The following CNTN5 variants were observed in gnomAD, a reference collection of about 807,000 sequenced individuals.
The protein encoded by CNTN5 is contactin 5.
A neutral mutation model predicts 129.1 loss-of-function variants in CNTN5; 77 were observed. The ratio of observed to expected loss-of-function variants is 0.60; its 90% CI spans 0.50 to 0.72. CNTN5 has a LOEUF of 0.72. Among genes scored for constraint, CNTN5 ranks in the 30% least tolerant of loss-of-function variants. CNTN5 has a pLI of 0.00. For synonymous variants in CNTN5, 509 were observed against 465.6 expected (o/e 1.09, Z -1.20); for missense variants, 1,478 against 1,328.8 (o/e 1.11, Z -1.75).
intron 2 of CNTN5, among the ~76,000 whole-genome samples, chr11:99,381,917 G>A (rs1940582510): frequency 6.6e-6 from 1 of 152,120 alleles, no homozygotes; most frequent in African/African-American, 2.4e-5. Flanking sequence ...TAGCTTGAAA[G>A]TGATCCACCC....
chr11:99,761,396 C>T (rs1485202379), intron 3 of CNTN5, among the ~76,000 whole-genome samples: 2 of 152,152 alleles, frequency 1.3e-5, no homozygotes, highest in South Asian at 4.1e-4. Context: ...AGGTATATCT[C>T]CCAATGCTAT....
intron 3 of CNTN5, among the ~76,000 whole-genome samples, chr11:99,634,463 G>C (rs190290024): frequency 6.6e-6 from 1 of 152,314 alleles, no homozygotes; most frequent in East Asian, 1.9e-4. Context: ...AAGACTGACT[G>C]CAGTGGGCAC....
intron 8 of CNTN5, among the ~76,000 whole-genome samples, chr11:99,999,052 C>T (rs1354384578): frequency 1.3e-5 from 2 of 151,860 alleles, no homozygotes; most frequent in Admixed American, 6.6e-5. Flanking sequence ...CCATAAAAAC[C>T]CTAGAAGAAA....
intron 2 of CNTN5, among the ~76,000 whole-genome samples, chr11:99,335,658 T>C (rs1866188718): frequency 6.6e-6 from 1 of 152,218 alleles, no homozygotes; most frequent in East Asian, 1.9e-4. Context: ...ATACAAAACA[T>C]ACCTCAGAAT....
intron 3 of CNTN5, among the ~76,000 whole-genome samples, chr11:99,738,032 T>C (rs1943767379): frequency 6.6e-6 from 1 of 152,206 alleles, no homozygotes; most frequent in African/African-American, 2.4e-5. Context: ...AAAACGTCTA[T>C]GCAGTATCGT....
At chr11:99,571,015 C>T (rs1028110700) in intron 3 of CNTN5, among the ~76,000 whole-genome samples, 1 of 152,104 alleles carries the variant, frequency 6.6e-6, no homozygotes, top group Non-Finnish European at 1.5e-5. Flanking sequence ...AGAATCAATA[C>T]AGACAAAGAG....
chr11:100,197,777 C>CT (rs1268911407), intron 15 of CNTN5, among the ~76,000 whole-genome samples: 1 of 151,926 alleles, frequency 6.6e-6, no homozygotes, highest in African/African-American at 2.4e-5. Context: ...CAATTTGCTG[C>CT]TTTTTTAACA....
intron 13 of CNTN5, among the ~76,000 whole-genome samples, chr11:100,163,478 A>G (rs1466376804): frequency 6.6e-6 from 1 of 151,874 alleles, no homozygotes; most frequent in Non-Finnish European, 1.5e-5. Flanking sequence ...TATTTCTTGA[A>G]GGAATAATTC....
At chr11:99,195,238 A>G (rs1176114551) in intron 1 of CNTN5, among the ~76,000 whole-genome samples, 2 of 152,172 alleles carry the variant, frequency 1.3e-5, no homozygotes, top group African/African-American at 4.8e-5. Context: ...AATGGTGACT[A>G]GTACATTTAC....
intron 1 of CNTN5, among the ~76,000 whole-genome samples, chr11:99,247,378 C>T (rs73534956): frequency 0.017 from 2,599 of 152,118 alleles, 86 homozygotes; most frequent in African/African-American, 0.06. Context: ...ACCATATACA[C>T]AGACTTTATC....
chr11:100,097,591 A>C (rs545104526), intron 13 of CNTN5, among the ~76,000 whole-genome samples: 1 of 152,244 alleles, frequency 6.6e-6, no homozygotes, highest in African/African-American at 2.4e-5. Context: ...GCAAATGAAT[A>C]ATGTGATGAG....
Position 99,909,826 on chromosome 11 carries a change from G to A in CNTN5, c.578-6228G>A, listed in dbSNP as rs572784572. On this transcript the variant is annotated intron_variant, in intron 6 of 24. Coordinates refer to ENST00000524871, the MANE Select transcript of CNTN5 (RefSeq NM_014361.4). ...GGGCCTGTTGTGGGGTGGGGGGAGAGGGGAGGGATAGCATTAGGAGATATA... is the reference window on the plus strand; with the variant it reads ...GGGCCTGTTGTGGGGTGGGGGGAGAAGGGAGGGATAGCATTAGGAGATATA... 3.9e-5 allele frequency among the ~76,000 whole-genome samples: 6 copies of A among 152,074 alleles called. No homozygotes were observed. In the South Asian group the frequency reaches 8.3e-4, roughly 21 times the overall value.
intron 15 of CNTN5, among the ~76,000 whole-genome samples, chr11:100,204,743 C>G (rs769451134): frequency 2.6e-5 from 4 of 151,962 alleles, no homozygotes; most frequent in Non-Finnish European, 5.9e-5. Context: ...ATTATTTTCT[C>G]TGGAGATAAT....
intron 1 of CNTN5, among the ~76,000 whole-genome samples, chr11:99,096,833 GA>G (rs1866486743): frequency 2.0e-5 from 3 of 151,642 alleles, no homozygotes; most frequent in African/African-American, 7.3e-5. Flanking sequence ...GATGCATTAA[GA>G]CTTAAGTTTA....
chr11:99,448,693 C>T (rs890115964), intron 2 of CNTN5, among the ~76,000 whole-genome samples: 1 of 151,314 alleles, frequency 6.6e-6, no homozygotes, highest in African/African-American at 2.4e-5. Context: ...AATTGAGGCT[C>T]AAAAAGTTGC....
chr11:99,956,895 T>C lies in CNTN5; in HGVS notation c.763T>C (p.Tyr255His). The C allele has an allele frequency of 6.2e-7, 1 of 1,613,952 alleles. No individual in the cohort carries two copies. The highest frequency in any genetic ancestry group is 8.5e-7 in the Non-Finnish European group (1 of 1,179,858). The change falls in exon 8 of 25, where the codon TAT becomes CAT. Residue 255 changes from tyrosine to histidine, a missense_variant. Coordinates refer to ENST00000524871, the MANE Select transcript of CNTN5 (RefSeq NM_014361.4). Reference protein sequence around the residue: ...RFISQETGNLYISKVQTSDVG... With the variant: ...RFISQETGNLHISKVQTSDVG... The stretch of plus-strand genomic sequence containing the variant: ...CATCTCCCAGGAGACAGGCAACCTT[T>C]ATATTTCTAAAGTCCAAACATCAGA...
intron 1 of CNTN5, among the ~76,000 whole-genome samples, chr11:99,298,182 C>T (rs1181765032): frequency 6.6e-6 from 1 of 152,150 alleles, no homozygotes; most frequent in Non-Finnish European, 1.5e-5. Context: ...AAAAGAAAAA[C>T]TTCAGAATTA....
chr11:99,158,616 C>T (rs945064820), intron 1 of CNTN5, among the ~76,000 whole-genome samples: 1 of 152,004 alleles, frequency 6.6e-6, no homozygotes, highest in Non-Finnish European at 1.5e-5. Context: ...ACGCGAGGTA[C>T]CTAAGAAAAC....
intron 13 of CNTN5, among the ~76,000 whole-genome samples, chr11:100,143,975 C>T (rs535995705): frequency 3.3e-5 from 5 of 152,178 alleles, no homozygotes; most frequent in African/African-American, 4.8e-5. Flanking sequence ...CTGGTTTTCT[C>T]GCATTAAGGA....
Sources: gnomAD v4.1 joint callset for allele counts (sites outside exome capture counted in the v4.1 genomes callset) on GRCh38, gnomAD v4.1.1 for gene constraint, MANE v1.5 for transcripts, NCBI Gene and HGNC (gene_info 2026-07-23, HGNC 2026-07-21) for gene names.